COL22A1: variants seen among roughly 807,000 people sequenced by gnomAD.
The protein encoded by COL22A1 is collagen type XXII alpha 1 chain, also known as collagen alpha-1(XXII) chain.
COL22A1 carries 221 observed loss-of-function variants against 248.9 expected under a neutral mutation model. That is an observed-to-expected ratio of 0.89 (90% confidence interval 0.80 to 0.99). The LOEUF (loss-of-function observed/expected upper bound fraction) is 0.99. Ranked by LOEUF, COL22A1 falls within the 50% of genes least tolerant of loss-of-function variation. The pLI is 0.00. For synonymous variants in COL22A1, 891 were observed against 793.4 expected (o/e 1.12, Z -2.07); for missense variants, 2,240 against 2,179.0 (o/e 1.03, Z -0.56).
intron 1 of COL22A1, among the ~76,000 whole-genome samples, chr8:138,906,410 C>G (rs891658796): frequency 6.6e-6 from 1 of 151,636 alleles, no homozygotes; most frequent in Admixed American, 6.6e-5. Context: ...GTCTTCTCAA[C>G]TGAGCTGCTT....
At chr8:138,781,582 C>A (rs752946743) in intron 12 of COL22A1, among the ~76,000 whole-genome samples, 1 of 152,198 alleles carries the variant, frequency 6.6e-6, no homozygotes, top group African/African-American at 2.4e-5. Flanking sequence ...GAATCTCATG[C>A]AGACACACAT....
At chr8:138,595,366 C>A (rs1347966634) in intron 62 of COL22A1, among the ~76,000 whole-genome samples, 1 of 152,148 alleles carries the variant, frequency 6.6e-6, no homozygotes, top group Non-Finnish European at 1.5e-5. Context: ...CCAGCAGATT[C>A]TCTATCCAAA....
At chr8:138,661,904 T>C (rs1587799912) in intron 43 of COL22A1, 126 bp downstream of exon 43, 1 of 602,864 alleles carries the variant, frequency 1.7e-6, no homozygotes. Flanking sequence ...TGGGGCTTCC[T>C]GGAAATCCTC....
intron 16 of COL22A1, 70 bp from the exon 17 acceptor site, chr8:138,762,536 C>T: frequency 6.9e-7 from 1 of 1,441,792 alleles, no homozygotes; most frequent in South Asian, 1.2e-5. Context: ...CACACATCCC[C>T]ACAGTGACCG....
At chr8:138,649,801 G>A in intron 45 of COL22A1, 23 bp from the exon 46 acceptor site, 2 of 1,432,646 alleles carry the variant, frequency 1.4e-6, no homozygotes, top group Middle Eastern at 1.8e-4. Context: ...AGAGAGGTGG[G>A]GACAAAGAGA....
chr8:138,813,342 G>C (rs776056103), intron 7 of COL22A1, among the ~76,000 whole-genome samples: 2 of 152,140 alleles, frequency 1.3e-5, no homozygotes, highest in Non-Finnish European at 2.9e-5. Context: ...CCCCCATACT[G>C]TTCTCATGGT....
At chr8:138,688,749 G>A (rs1187272705) in intron 37 of COL22A1, among the ~76,000 whole-genome samples, 168 bp downstream of exon 37, 1 of 151,910 alleles carries the variant, frequency 6.6e-6, no homozygotes, top group East Asian at 1.9e-4. Context: ...CTGTTGTGAG[G>A]AATAAATGAG....
intron 47 of COL22A1, among the ~76,000 whole-genome samples, chr8:138,641,467 A>G (rs1303032599): frequency 1.3e-5 from 2 of 152,338 alleles, no homozygotes; most frequent in South Asian, 2.1e-4. Context: ...TGTAGAATAC[A>G]TGCTCCCAGG....
chr8:138,652,816 GGCTCACT>G (rs1423527613), intron 45 of COL22A1, among the ~76,000 whole-genome samples: 1 of 125,390 alleles, frequency 8.0e-6, no homozygotes, highest in African/African-American at 3.0e-5. Context: ...GTGTGATCTA[GGCTCACT>G]GCAGCCTCCG....
At chr8:138,687,076 C>A (rs893277070) in intron 37 of COL22A1, among the ~76,000 whole-genome samples, 1 of 152,222 alleles carries the variant, frequency 6.6e-6, no homozygotes, top group Non-Finnish European at 1.5e-5. Flanking sequence ...TGTGCCTCAG[C>A]TTCCCAAGTA....
chr8:138,819,975 C>T (rs1818973734), intron 7 of COL22A1, among the ~76,000 whole-genome samples: 1 of 152,030 alleles, frequency 6.6e-6, no homozygotes, highest in Admixed American at 6.6e-5. Flanking sequence ...ATGTACCCCC[C>T]TTTTCAAAGT....
At chr8:138,818,861 A>G (rs1009607906) in intron 7 of COL22A1, among the ~76,000 whole-genome samples, 2 of 152,220 alleles carry the variant, frequency 1.3e-5, no homozygotes, top group Non-Finnish European at 2.9e-5. Flanking sequence ...GCAACTGCAT[A>G]TAAAAACAAA....
chr8:138,632,563 G>A (rs928743657), intron 49 of COL22A1, among the ~76,000 whole-genome samples: 1 of 152,158 alleles, frequency 6.6e-6, no homozygotes, highest in East Asian at 1.9e-4. Flanking sequence ...TTTAATTGTT[G>A]CATACTTTTA....
chr8:138,630,799 C>A lies in COL22A1; in HGVS notation c.3610-51G>T, dbSNP rs779779005. Reference sequence around the variant, plus strand: ...GTTTCTTGTGCATCTAGACAGAGGTCATTAGCACCCTCTGCTTTGAATACA... The same window carrying A: ...GTTTCTTGTGCATCTAGACAGAGGTAATTAGCACCCTCTGCTTTGAATACA... On this transcript the variant is annotated intron_variant, in intron 49 of 64. Coordinates refer to ENST00000303045, the MANE Select transcript of COL22A1 (RefSeq NM_152888.3). 7 of 1,461,534 alleles carry A rather than the reference C, an allele frequency of 4.8e-6. No homozygotes were observed. In the African/African-American group the frequency reaches 8.4e-5, roughly 18 times the overall value. The allele number at this position is 1,461,534 out of a possible 1,614,324, so 90.5% of individuals were successfully genotyped here.
At chr8:138,686,201 CAA>C (rs1826333443) in intron 37 of COL22A1, among the ~76,000 whole-genome samples, 1 of 152,152 alleles carries the variant, frequency 6.6e-6, no homozygotes, top group South Asian at 2.1e-4. Context: ...ATGGAGAGAG[CAA>C]GAGAGAGAGA....
chr8:138,665,227 G>A (rs989501911), intron 41 of COL22A1, among the ~76,000 whole-genome samples: 3 of 152,210 alleles, frequency 2.0e-5, no homozygotes, highest in Admixed American at 6.5e-5. Context: ...ACACAGACCT[G>A]CCCTGGAGGG....
chr8:138,814,503 A>G (rs1444850909), intron 7 of COL22A1, among the ~76,000 whole-genome samples: 1 of 152,158 alleles, frequency 6.6e-6, no homozygotes, highest in Non-Finnish European at 1.5e-5. Flanking sequence ...GTTGTCAGCT[A>G]CTCAGTGGAC....
intron 30 of COL22A1, among the ~76,000 whole-genome samples, chr8:138,713,567 C>T (rs889420882): frequency 1.7e-4 from 26 of 152,276 alleles, no homozygotes; most frequent in Non-Finnish European, 3.1e-4. Context: ...CGTGCATGTG[C>T]GGTTTTGGCA....
At chr8:138,904,080 G>A (rs920175339) in intron 1 of COL22A1, among the ~76,000 whole-genome samples, 2 of 152,056 alleles carry the variant, frequency 1.3e-5, no homozygotes, top group East Asian at 1.9e-4. Flanking sequence ...AAGCTAATTT[G>A]AGCTGGAGTT....
Sources: gnomAD v4.1 joint callset for allele counts (sites outside exome capture counted in the v4.1 genomes callset) on GRCh38, gnomAD v4.1.1 for gene constraint, MANE v1.5 for transcripts, NCBI Gene and HGNC (gene_info 2026-07-23, HGNC 2026-07-21) for gene names.